Variants in NFIB observed in about 807,000 individuals in gnomAD.
NFIB encodes nuclear factor I B.
In NFIB, 11 loss-of-function variants were observed where a neutral mutation model predicts 61.5. That is an observed-to-expected ratio of 0.18 (90% CI 0.11 to 0.30). NFIB has a LOEUF of 0.30. Ranked by LOEUF, NFIB falls within the 10% of genes least tolerant of loss-of-function variation. NFIB has a pLI of 1.00. For synonymous variants in NFIB, 260 were observed against 216.5 expected (o/e 1.20, Z -1.76); for missense variants, 471 against 608.9 (o/e 0.77, Z 2.38).
At chr9:14,170,460 A>G (rs2045444470) in intron 3 of NFIB, among the ~76,000 whole-genome samples, 1 of 152,092 alleles carries the variant, frequency 6.6e-6, no homozygotes, top group African/African-American at 2.4e-5. Context: ...TAGGCAACAT[A>G]GCAAGGCTCT....
chr9:14,257,360 T>C (rs1234989294), intron 2 of NFIB, among the ~76,000 whole-genome samples: 7 of 152,188 alleles, frequency 4.6e-5, no homozygotes, highest in Non-Finnish European at 1.0e-4. Context: ...AGCTGGATAT[T>C]AGACTGTGAA....
intron 2 of NFIB, among the ~76,000 whole-genome samples, chr9:14,259,254 G>C (rs1281863149): frequency 2.6e-5 from 4 of 152,190 alleles, no homozygotes; most frequent in Non-Finnish European, 5.9e-5. Flanking sequence ...AAAGTGAAGA[G>C]AAAGTGAAAA....
intron 7 of NFIB, among the ~76,000 whole-genome samples, chr9:14,123,846 A>G (rs532968860): frequency 2.9e-5 from 4 of 139,662 alleles, no homozygotes; most frequent in African/African-American, 1.1e-4. Context: ...TGCCTCCCAC[A>G]TTGCCCCTCT....
chr9:14,386,748 C>G (rs2061553885), intron 1 of NFIB, among the ~76,000 whole-genome samples: 1 of 152,152 alleles, frequency 6.6e-6, no homozygotes, highest in Non-Finnish European at 1.5e-5. Flanking sequence ...AGACAAAGTA[C>G]CAGCCCAGGG....
At chr9:14,234,805 G>A (rs79230867) in intron 2 of NFIB, among the ~76,000 whole-genome samples, 1 of 142,980 alleles carries the variant, frequency 7.0e-6, no homozygotes, top group South Asian at 2.2e-4. Flanking sequence ...TTTTTTTTTG[G>A]TTTTTTTTTT....
chr9:14,276,596 G>C (rs2058018720), intron 2 of NFIB, among the ~76,000 whole-genome samples: 1 of 152,026 alleles, frequency 6.6e-6, no homozygotes, highest in East Asian at 1.9e-4. Context: ...GTGAAATACT[G>C]GGTAACTTAT....
chr9:14,518,711 G>T, the NFIB span, among the ~76,000 whole-genome samples: 1 of 152,114 alleles, frequency 6.6e-6, no homozygotes, highest in South Asian at 2.1e-4. Flanking sequence ...AAGGGAAGCT[G>T]AAGAACTACT....
At chr9:14,391,353 G>A (rs1433554384) in intron 1 of NFIB, among the ~76,000 whole-genome samples, 3 of 104,108 alleles carry the variant, frequency 2.9e-5, no homozygotes, top group South Asian at 6.7e-4. Flanking sequence ...CCCCCCGCCC[G>A]CTTCCAGGAA....
chr9:14,224,688 T>C (rs768091834), intron 2 of NFIB, among the ~76,000 whole-genome samples: 1 of 152,226 alleles, frequency 6.6e-6, no homozygotes, highest in Non-Finnish European at 1.5e-5. Context: ...ACAAATACTA[T>C]GCCATTTTAT....
the NFIB span, among the ~76,000 whole-genome samples, chr9:14,505,491 G>C: frequency 6.6e-6 from 1 of 152,308 alleles, no homozygotes; most frequent in South Asian, 2.1e-4. Flanking sequence ...CCTTGAACTT[G>C]TGCATGAATC....
intron 10 of NFIB, among the ~76,000 whole-genome samples, chr9:14,106,371 T>A (rs547208857): frequency 3.9e-4 from 59 of 152,216 alleles, no homozygotes; most frequent in African/African-American, 1.4e-3. Context: ...GCCCAGAATT[T>A]CAAAACCAAA....
At position 14,088,053 on chromosome 9, in the gene NFIB, A is replaced by C; in HGVS notation, c.*256T>G. ...CAACCTTAAGGGAATTAGTGATTGT[A>C]AGTGCTGCAATTGCTGGTCTATTAT... On this transcript the variant is annotated 3_prime_UTR_variant, in exon 11 of 11. Transcript: ENST00000380953. 1.6e-6 allele frequency: 1 copy of C among 641,514 alleles called. No individual in the cohort carries two copies. The highest frequency in any genetic ancestry group is 2.3e-6 in the Non-Finnish European group (1 of 437,010). The allele number at this position is 641,514 out of a possible 1,614,324, so 39.7% of individuals were successfully genotyped here.
chr9:14,521,498 G>T, the NFIB span, among the ~76,000 whole-genome samples: 3 of 152,144 alleles, frequency 2.0e-5, no homozygotes, highest in Admixed American at 6.6e-5. Flanking sequence ...TTTCTGCTGT[G>T]AAATGGGAAT....
chr9:14,174,135 T>G (rs12341599), intron 3 of NFIB, among the ~76,000 whole-genome samples: 8,874 of 152,018 alleles, frequency 0.058, 789 homozygotes, highest in African/African-American at 0.19. Flanking sequence ...CCAAACAAGT[T>G]AGAGGATAAA....
Position 14,307,657 on chromosome 9 carries a change from T to C in NFIB, c.31-137A>G, listed in dbSNP as rs890139458. The stretch of plus-strand genomic sequence containing the variant: ...ATACATGAAAATAACATTCCTTTCT[T>C]ATTTAAAATTATCAAAATAACAGGA... On this transcript the variant is annotated intron_variant, in intron 1 of 10. Coordinates refer to ENST00000380953, the MANE Select transcript of NFIB (RefSeq NM_001190737.2). The surrounding 1 kb of genome is among the most constrained non-coding windows in gnomAD (Gnocchi z 5.3). The C allele has an allele frequency of 1.9e-5, 16 of 853,116 alleles. No homozygotes were observed. The highest frequency in any genetic ancestry group is 5.1e-5 in the African/African-American group (3 of 58,584). The allele number at this position is 853,116 out of a possible 1,614,324, so 52.8% of individuals were successfully genotyped here. A position where few individuals can be genotyped will look rare whatever the true frequency, so the allele number is the denominator to read the frequency against.
In NFIB at chr9:14,088,324, G is replaced by C. The variant is rs1234887384; in HGVS notation, c.1470C>G (p.Ser490=). The C allele has an allele frequency of 1.9e-6, 3 of 1,577,596 alleles. No homozygotes were observed. Among genetic ancestry groups the C allele is most frequent in the Non-Finnish European group, 2.6e-6 (3 of 1,158,238 alleles). The change falls in exon 11 of 11, where the codon TCC becomes TCG. Residue 490 remains serine, a splice_region_variant and synonymous_variant. Transcript: ENST00000380953. The stretch of plus-strand genomic sequence containing the variant: ...AGGAACCAAGCTAGCCCAGGTACCA[G>C]GACTGTTGAGAGGAGAGAGGCAGCA... ...RDPSFLHQQQ[S]WYLG is the part of the protein sequence containing the mutation.
chr9:14,482,180 C>G, the NFIB span, among the ~76,000 whole-genome samples: 1 of 150,112 alleles, frequency 6.7e-6, no homozygotes, highest in East Asian at 2.0e-4. Flanking sequence ...AATTAGTTTT[C>G]TTAGTTCACG....
rs145116926 is a variant in NFIB at position 14,310,968 on chromosome 9, C to A, written c.30+2514G>T. 1.2e-3 allele frequency among the ~76,000 whole-genome samples: 187 copies of A among 151,982 alleles called. 1 individual carries two copies. Among genetic ancestry groups the A allele is most frequent in the African/African-American group, 4.4e-3 (183 of 41,494 alleles). On this transcript the variant is annotated intron_variant, in intron 1 of 10. Coordinates refer to ENST00000380953, the MANE Select transcript of NFIB (RefSeq NM_001190737.2). ...AACAACAAATCATGCAAAAAATGTA[C>A]CTAAAGAACTTAAAAGCAACGAAAG...
At chr9:14,327,444 G>A (rs1281220442) in intron 1 of NFIB, among the ~76,000 whole-genome samples, 1 of 152,136 alleles carries the variant, frequency 6.6e-6, no homozygotes, top group African/African-American at 2.4e-5. Flanking sequence ...TGCAGCCCAG[G>A]GAGTAGAGGA....
Sources: gnomAD v4.1 joint callset for allele counts (sites outside exome capture counted in the v4.1 genomes callset) on GRCh38, gnomAD v4.1.1 for gene constraint, Gnocchi (gnomAD v3.1) non-coding constraint, MANE v1.5 for transcripts, NCBI Gene and HGNC (gene_info 2026-07-23, HGNC 2026-07-21) for gene names.